RNF216: variants seen among roughly 807,000 people sequenced by gnomAD.
The protein encoded by RNF216 is E3 ubiquitin-protein ligase RNF216.
A neutral mutation model predicts 110.8 loss-of-function variants in RNF216; 72 were observed. The observed-to-expected ratio is 0.65, with a 90% confidence interval of 0.54 to 0.79. The LOEUF (loss-of-function observed/expected upper bound fraction) is 0.79, where lower values mean the gene tolerates loss of function less well. RNF216 is among the 30% of genes least tolerant of loss of function. The pLI is 0.00. For synonymous variants in RNF216, 495 were observed against 407.5 expected, an observed-to-expected ratio of 1.21 and a Z score of -2.59; for missense variants, 1,342 against 1,141.2, an observed-to-expected ratio of 1.18 and a Z score of -2.54.
intron 9 of RNF216, 22 bp from the exon 10 acceptor site, chr7:5,716,788 C>T (rs368928882): frequency 9.4e-6 from 15 of 1,590,754 alleles, no homozygotes; most frequent in Non-Finnish European, 1.3e-5. Flanking sequence ...AAAAGGCACA[C>T]ATTCAGACAC....
chr7:5,632,525 G>A (rs1167646290), intron 15 of RNF216, among the ~76,000 whole-genome samples: 1 of 152,220 alleles, frequency 6.6e-6, no homozygotes, highest in Non-Finnish European at 1.5e-5. Context: ...GTAATGATGT[G>A]TCAGGCCAGG....
chr7:5,664,381 G>A (rs1789368580), intron 13 of RNF216, among the ~76,000 whole-genome samples: 1 of 152,100 alleles, frequency 6.6e-6, no homozygotes, highest in Non-Finnish European at 1.5e-5. Context: ...AATTTAATGA[G>A]TTAAACTACA....
intron 1 of RNF216, among the ~76,000 whole-genome samples, chr7:5,774,499 C>T (rs1000366318): frequency 2.0e-5 from 3 of 152,184 alleles, no homozygotes; most frequent in Non-Finnish European, 4.4e-5. Flanking sequence ...AGTTGAATTA[C>T]ATGAAGTTTT....
chr7:5,624,061 T>C lies in RNF216; in HGVS notation c.2447A>G (p.Asn816Ser). The change falls in exon 16 of 17, where the codon AAT becomes AGT. Residue 816 changes from asparagine to serine, a missense_variant. Physicochemically the swap from Asn to Ser is conservative, Grantham distance 46. Transcript: ENST00000389902. This position sits in a 1 kb window ranked among gnomAD's most constrained non-coding sequence, Gnocchi z 4.4. ...KEAEEEQKRK[N>S]GENTFKRIGP... ...GCCTGGGGAGGGGCACTTGCCTCCATTCTTTCTTTTCTGTTCCTCTTCAGC... is the reference window on the plus strand; with the variant it reads ...GCCTGGGGAGGGGCACTTGCCTCCACTCTTTCTTTTCTGTTCCTCTTCAGC... 1 of 1,613,466 alleles carries C rather than the reference T, an allele frequency of 6.2e-7. No homozygotes were observed. The highest frequency in any genetic ancestry group is 8.5e-7 in the Non-Finnish European group (1 of 1,179,816).
At chr7:5,689,292 A>C (rs1791178585) in intron 13 of RNF216, among the ~76,000 whole-genome samples, 1 of 151,736 alleles carries the variant, frequency 6.6e-6, no homozygotes, top group Non-Finnish European at 1.5e-5. Context: ...AAAGTGACAG[A>C]AGTTACGCTC....
intron 5 of RNF216, among the ~76,000 whole-genome samples, chr7:5,736,166 C>T (rs1335327127): frequency 1.3e-5 from 2 of 152,156 alleles, no homozygotes; most frequent in African/African-American, 4.8e-5. Flanking sequence ...CTCTGATGCC[C>T]AGCCGAAGCT....
intron 4 of RNF216, among the ~76,000 whole-genome samples, chr7:5,740,328 G>A (rs1200662392): frequency 4.6e-5 from 7 of 151,964 alleles, no homozygotes; most frequent in Non-Finnish European, 8.8e-5. Flanking sequence ...GGGTTTCACC[G>A]TGTTAGCCAG....
chr7:5,722,397 T>G lies in RNF216; in HGVS notation c.1505-1225A>C, dbSNP rs1294769506. Among the ~76,000 whole-genome samples, 19 of 151,780 alleles carry G rather than the reference T, an allele frequency of 1.3e-4. No individual in the cohort carries two copies. The East Asian group carries it at 3.5e-3, about 28-fold the overall frequency. On this transcript the variant is annotated intron_variant, in intron 8 of 16. Transcript: ENST00000389902. The stretch of plus-strand genomic sequence containing the variant: ...TTTTTTTTTGTTTGTTTGTTTGTTT[T>G]GTTTTTTTTTGAGACAGAGTCTCAC...
At chr7:5,649,621 A>C (rs1371922751) in intron 14 of RNF216, 2 of 142,526 alleles carry the variant, frequency 1.4e-5, no homozygotes, top group Admixed American at 6.9e-5. Flanking sequence ...CCCTCTCTCT[A>C]AAAAAAAAAA....
chr7:5,742,033 T>A (rs1794787359), intron 3 of RNF216, among the ~76,000 whole-genome samples: 1 of 152,168 alleles, frequency 6.6e-6, no homozygotes, highest in Admixed American at 6.5e-5. Context: ...AAGCTTGAGA[T>A]ATAGTTTGAA....
rs140886736 is a variant in RNF216, at chr7:5,729,674, A to T, written c.1225-78T>A. ...CAGGGGAAATCATTTTAAGAATTAC[A>T]TGTGTAGAAAAGAATAACATTTGTT... is the stretch of plus-strand genomic sequence containing the variant. On this transcript the variant is annotated intron_variant, in intron 6 of 16. Transcript: ENST00000389902. 5.1e-3 allele frequency: 6,032 copies of T among 1,190,490 alleles called. 37 individuals are homozygous for T. The highest frequency in any genetic ancestry group is 0.01 in the Middle Eastern group (51 of 5,084). The allele number at this position is 1,190,490 out of a possible 1,614,324, so 73.7% of individuals were successfully genotyped here. A position where few individuals can be genotyped will look rare whatever the true frequency, so the allele number is the denominator to read the frequency against.
At chr7:5,677,284 T>G (rs1269603413) in intron 13 of RNF216, among the ~76,000 whole-genome samples, 9 of 152,226 alleles carry the variant, frequency 5.9e-5, no homozygotes, top group Non-Finnish European at 2.9e-5. Flanking sequence ...CTTCTGGATG[T>G]TACATGCTCT....
intron 5 of RNF216, among the ~76,000 whole-genome samples, chr7:5,734,016 C>A (rs1048448197): frequency 3.9e-5 from 6 of 152,032 alleles, no homozygotes; most frequent in Non-Finnish European, 7.4e-5. Context: ...TATTATCATG[C>A]CACTTAGAAA....
At chr7:5,645,510 A>G (rs1787997019) in intron 14 of RNF216, among the ~76,000 whole-genome samples, 1 of 152,070 alleles carries the variant, frequency 6.6e-6, no homozygotes, top group African/African-American at 2.4e-5. Flanking sequence ...TGCCTGCTCA[A>G]ATCTGCTATT....
At chr7:5,734,948 C>T (rs759708656) in intron 5 of RNF216, among the ~76,000 whole-genome samples, 1 of 151,820 alleles carries the variant, frequency 6.6e-6, no homozygotes, top group Non-Finnish European at 1.5e-5. Context: ...GTCAGGAGTT[C>T]GAGACCAGCC....
chr7:5,771,818 CA>C (rs1796509825), intron 1 of RNF216, among the ~76,000 whole-genome samples: 1 of 150,696 alleles, frequency 6.6e-6, no homozygotes, highest in Admixed American at 6.6e-5. Context: ...AACATCTGCC[CA>C]AAGGAAAAAT....
intron 2 of RNF216, among the ~76,000 whole-genome samples, chr7:5,757,543 A>C (rs1247679581): frequency 6.6e-6 from 1 of 152,230 alleles, no homozygotes; most frequent in Non-Finnish European, 1.5e-5. Flanking sequence ...GTAGGTAAAA[A>C]CACTATTTAG....
chr7:5,768,912 C>T (rs1008276643), intron 1 of RNF216, among the ~76,000 whole-genome samples: 13 of 151,818 alleles, frequency 8.6e-5, no homozygotes, highest in African/African-American at 2.9e-4. Context: ...CCACCCGCCT[C>T]GACCTCCCAA....
At chr7:5,779,109 C>A (rs1448884654) in intron 1 of RNF216, among the ~76,000 whole-genome samples, 1 of 152,222 alleles carries the variant, frequency 6.6e-6, no homozygotes, top group East Asian at 1.9e-4. Flanking sequence ...TGAATTATGT[C>A]TCTAAAGAGC....
Sources: allele counts gnomAD v4.1 joint callset (sites outside exome capture counted in the v4.1 genomes callset), GRCh38; gene constraint gnomAD v4.1.1; non-coding constraint Gnocchi (gnomAD v3.1); transcripts MANE v1.5; gene names NCBI Gene and HGNC (gene_info 2026-07-23, HGNC 2026-07-21).